Variants in DNAJB13 observed in about 807,000 individuals in gnomAD.
The protein encoded by DNAJB13 is DnaJ heat shock protein family (Hsp40) member B13.
A neutral mutation model predicts 35.6 loss-of-function variants in DNAJB13; 22 were observed. That is an observed-to-expected ratio of 0.62 (90% CI 0.44 to 0.88). The LOEUF is 0.88. DNAJB13 is among the 40% of genes least tolerant of loss of function. The pLI is 0.00. For missense variants in DNAJB13, 370 were observed against 384.3 expected, an observed-to-expected ratio of 0.96 and a Z score of 0.31; for synonymous variants, 136 against 144.2, an observed-to-expected ratio of 0.94 and a Z score of 0.41.
chr11:73,963,363 AAG>A (rs1249036225), intron 3 of DNAJB13, among the ~76,000 whole-genome samples: 4 of 151,730 alleles, frequency 2.6e-5, no homozygotes, highest in African/African-American at 9.7e-5. Flanking sequence ...AAAAAGAAAA[AAG>A]AAAAAAAATG....
At chr11:73,969,697 G>A (rs903131842) in intron 7 of DNAJB13, among the ~76,000 whole-genome samples, 7 of 152,140 alleles carry the variant, frequency 4.6e-5, no homozygotes, top group African/African-American at 1.2e-4. Context: ...CAGCACCCTC[G>A]CCCTCACCCC....
At chr11:73,965,059 C>T (rs745411267) in intron 4 of DNAJB13, 24 bp downstream of exon 4, 43 of 1,537,218 alleles carry the variant, frequency 2.8e-5, no homozygotes, top group East Asian at 4.5e-5. Flanking sequence ...TTGCTCCTCC[C>T]GGGAGCCACC....
chr11:73,964,783 GTGTGTGTGTGT>G, intron 3 of DNAJB13, 84 bp from the exon 4 acceptor site: 1 of 779,060 alleles, frequency 1.3e-6, no homozygotes. Flanking sequence ...GTGTGTGTGT[GTGTGTGTGTGT>G]GTGTGTGTGT....
rs763008519 is a variant in DNAJB13 at position 73,964,810 on chromosome 11, T to TGC, written c.335-67_335-66insCG. On this transcript the variant is annotated intron_variant, in intron 3 of 7. Transcript: ENST00000339764. ...GTGTGTGTGTGTGTGTGTGTGTGTGTGTGCGCGCGCGCGCATGTCTGGGTC... is the reference window on the plus strand; with the variant it reads ...GTGTGTGTGTGTGTGTGTGTGTGTGTGCGTGCGCGCGCGCGCATGTCTGGGTC... 3.4e-4 allele frequency: 240 copies of TGC among 705,554 alleles called. No homozygotes were observed. The African/African-American group carries it at 3.7e-3, about 11-fold the overall frequency. The allele number at this position is 705,554 out of a possible 1,614,324, so 43.7% of individuals were successfully genotyped here.
intron 6 of DNAJB13, among the ~76,000 whole-genome samples, chr11:73,969,012 T>C (rs1352257226): frequency 1.3e-5 from 2 of 152,328 alleles, no homozygotes; most frequent in African/African-American, 4.8e-5. Context: ...CAAACGCTTT[T>C]ATTCTGTCTC....
chr11:73,958,128 G>A (rs556702338), intron 1 of DNAJB13, among the ~76,000 whole-genome samples, 189 bp from the exon 2 acceptor site: 1 of 152,316 alleles, frequency 6.6e-6, no homozygotes, highest in South Asian at 2.1e-4. Flanking sequence ...TGGAACTGTC[G>A]GTCAACTGTG....
intron 1 of DNAJB13, among the ~76,000 whole-genome samples, chr11:73,955,095 CAA>C (rs957651753): frequency 7.1e-6 from 1 of 140,318 alleles, no homozygotes. Flanking sequence ...AGATATTGAT[CAA>C]AAAAAAAAAG....
chr11:73,966,238 A>C lies in DNAJB13; in HGVS notation c.593A>C (p.Lys198Thr), dbSNP rs764689028. The C allele has an allele frequency of 1.2e-6, 2 of 1,612,966 alleles. No individual in the cohort carries two copies. The highest frequency in any genetic ancestry group is 1.7e-6 in the Non-Finnish European group (2 of 1,179,636). Reference protein sequence around the residue: ...WRQGTRITFEKEGDQGPNIIP... With the variant: ...WRQGTRITFETEGDQGPNIIP... ...CAGGGCACACGCATCACCTTTGAGA[A>C]GGAAGGGGACCAGGTGAGGGGGGAA... The change falls in exon 5 of 8, where the codon AAG (lysine) becomes ACG (threonine). Residue 198 changes from lysine to threonine, a missense_variant. Coordinates refer to ENST00000339764, the MANE Select transcript of DNAJB13 (RefSeq NM_153614.4).
Position 73,959,766 on chromosome 11 carries a change from T to C in DNAJB13, c.334+111T>C, listed in dbSNP as rs1224965562. On this transcript the variant is annotated intron_variant, in intron 3 of 7. Coordinates refer to ENST00000339764, the MANE Select transcript of DNAJB13 (RefSeq NM_153614.4). ...TTTTACTTTATTATTTTATTTTATT[T>C]ACTTATTTTTTTTGGAGATGGAGAC... 4.8e-6 allele frequency: 5 copies of C among 1,035,030 alleles called. No homozygotes were observed. In the African/African-American group the frequency reaches 8.6e-5, roughly 18 times the overall value. 64.1% of individuals were successfully genotyped at this position (1,035,030 alleles called of 1,614,324 possible). A position where few individuals can be genotyped will look rare whatever the true frequency, so the allele number is the denominator to read the frequency against.
At chr11:73,957,510 T>C (rs1345679151) in intron 1 of DNAJB13, among the ~76,000 whole-genome samples, 1 of 152,236 alleles carries the variant, frequency 6.6e-6, no homozygotes, top group Non-Finnish European at 1.5e-5. Flanking sequence ...GACGCTGCGA[T>C]GTCTGCCCTT....
rs189005130 is a variant in DNAJB13, at chr11:73,966,297, G to A, written c.606+46G>A. ...CTCAGGTCAGTCACTGAGCTCAGGCGGTGGGAAGACTGAGGAGGAAAGGAA... is the reference window on the plus strand; with the variant it reads ...CTCAGGTCAGTCACTGAGCTCAGGCAGTGGGAAGACTGAGGAGGAAAGGAA... On this transcript the variant is annotated intron_variant, in intron 5 of 7. Transcript: ENST00000339764. The A allele has an allele frequency of 1.3e-4, 195 of 1,551,954 alleles. No homozygotes were observed. In the African/African-American group the frequency reaches 2.2e-3, roughly 17 times the overall value.
intron 3 of DNAJB13, chr11:73,964,513 T>A (rs958884974): frequency 2.0e-4 from 50 of 246,456 alleles, no homozygotes; most frequent in Non-Finnish European, 3.4e-4. Flanking sequence ...CCAGAGGGAG[T>A]GCCTCCCTTT....
rs1375028426 is a variant in DNAJB13 at position 73,951,113 on chromosome 11, C to G, written c.44C>G (p.Ser15Ter). ...YYSVLGITRN[S>*]EDAQIKQAYR... ...TCTGTGCTCGGGATCACTCGCAATT[C>G]AGAGGATGCCCAGATCAAGCAGGCG... Residue 15 changes from serine to a stop codon, truncating the protein, a stop_gained, in exon 1 of 8, where the codon TCA (serine) becomes TGA (stop). Coordinates refer to ENST00000339764, the MANE Select transcript of DNAJB13 (RefSeq NM_153614.4). LOFTEE classifies it high-confidence loss of function. The G allele has an allele frequency of 6.2e-7, 1 of 1,614,110 alleles. No individual in the cohort carries two copies. The highest frequency in any genetic ancestry group is 8.5e-7 in the Non-Finnish European group (1 of 1,180,004).
intron 1 of DNAJB13, among the ~76,000 whole-genome samples, chr11:73,951,907 A>T (rs928905950): frequency 6.6e-6 from 1 of 152,034 alleles, no homozygotes; most frequent in Non-Finnish European, 1.5e-5. Context: ...CAGCCTTCCC[A>T]AGTGCTGGGA....
At chr11:73,951,954 GT>G (rs796300160) in intron 1 of DNAJB13, among the ~76,000 whole-genome samples, 4,436 of 148,248 alleles carry the variant, frequency 0.03, 222 homozygotes, top group African/African-American at 0.1. Flanking sequence ...CCAAAAACAT[GT>G]TTTTTTTTTT....
Position 73,968,402 on chromosome 11 carries a change from C to G in DNAJB13, c.664C>G (p.Arg222Gly), listed in dbSNP as rs146910386. 7 of 1,614,018 alleles carry G rather than the reference C, an allele frequency of 4.3e-6. No individual in the cohort carries two copies. Among genetic ancestry groups the G allele is most frequent in the Non-Finnish European group, 5.9e-6 (7 of 1,180,032 alleles). ...IFIVKEKLHP[R>G]FRRENDNLFF... is the part of the protein sequence containing the mutation. ...CATCGTAAAGGAGAAGCTACACCCT[C>G]GCTTCCGCAGGGAGAATGACAACCT... The change falls in exon 6 of 8, where the codon CGC (arginine) becomes GGC (glycine). Residue 222 changes from arginine (R) to glycine (G), a missense_variant. Physicochemically the swap from Arg to Gly is moderately radical, Grantham distance 125. Coordinates refer to ENST00000339764, the MANE Select transcript of DNAJB13 (RefSeq NM_153614.4).
At position 73,966,682 on chromosome 11, in the gene DNAJB13, T is replaced by G. The variant is rs944444249; in HGVS notation, c.606+431T>G. Among the ~76,000 whole-genome samples the G allele has an allele frequency of 4.9e-5, 7 of 142,718 alleles. No individual in the cohort carries two copies. The South Asian group carries it at 6.2e-4, about 13-fold the overall frequency. 93.6% of individuals were successfully genotyped at this position (142,718 alleles called of 152,430 possible). On this transcript the variant is annotated intron_variant, in intron 5 of 7. Transcript: ENST00000339764. ...TTTATTTATTTATGTATTTATTTAT[T>G]TATTTATTTTTATTTTGAGATGGAG...
intron 1 of DNAJB13, among the ~76,000 whole-genome samples, chr11:73,952,156 T>TG (rs768156993): frequency 2.0e-5 from 3 of 152,098 alleles, no homozygotes; most frequent in Admixed American, 6.5e-5. Flanking sequence ...AGAGGAAGTA[T>TG]GGGGGGCTGT....
At chr11:73,964,541 T>G (rs1336282684) in intron 3 of DNAJB13, 1 of 275,914 alleles carries the variant, frequency 3.6e-6, no homozygotes, top group South Asian at 3.3e-5. Context: ...CAGCCAGAGT[T>G]ACGGTATCCG....
Sources: gnomAD v4.1 joint callset for allele counts (sites outside exome capture counted in the v4.1 genomes callset) on GRCh38, gnomAD v4.1.1 for gene constraint, MANE v1.5 for transcripts, NCBI Gene and HGNC (gene_info 2026-07-23, HGNC 2026-07-21) for gene names.